Variants in CRACD observed in about 807,000 individuals in gnomAD.
The protein encoded by CRACD is capping protein-inhibiting regulator of actin dynamics.
A neutral mutation model predicts 106.8 loss-of-function variants in CRACD; 56 were observed. The observed-to-expected ratio is 0.52, with a 90% CI of 0.42 to 0.66. The LOEUF is 0.66. Among genes scored for constraint, CRACD ranks in the 30% least tolerant of loss-of-function variants. CRACD has a pLI of 0.00. For synonymous variants in CRACD, 754 were observed against 670.8 expected, an observed-to-expected ratio of 1.12 and a Z score of -1.92; for missense variants, 1,730 against 1,623.2, an observed-to-expected ratio of 1.07 and a Z score of -1.13.
intron 2 of CRACD, among the ~76,000 whole-genome samples, chr4:56,213,692 A>G (rs891734419): frequency 6.6e-6 from 1 of 152,172 alleles, no homozygotes; most frequent in Non-Finnish European, 1.5e-5. Context: ...TTATTTCTGG[A>G]TTGGTTACAG....
intron 1 of CRACD, among the ~76,000 whole-genome samples, chr4:56,118,599 T>C (rs543466549): frequency 6.6e-6 from 1 of 152,264 alleles, no homozygotes; most frequent in African/African-American, 2.4e-5. Flanking sequence ...ATGTTTAGAA[T>C]GTTTAAGTAG....
chr4:56,165,785 A>T (rs1048547600), intron 1 of CRACD, among the ~76,000 whole-genome samples: 2 of 152,236 alleles, frequency 1.3e-5, no homozygotes, highest in African/African-American at 4.8e-5. Context: ...AAATTAAAAA[A>T]TAATATTTTG....
chr4:56,181,220 T>G lies in CRACD; in HGVS notation c.-189+1790T>G, dbSNP rs181160670. 4.4e-3 allele frequency among the ~76,000 whole-genome samples: 666 copies of G among 152,152 alleles called. 18 individuals carry two copies. Among genetic ancestry groups the G allele is most frequent in the Admixed American group, 0.038 (587 of 15,278 alleles). ...TGGTTAGTGGGGTGGGAGTGCAAAT[T>G]GCAGAAGGGGCCTCATCGAGGAAAG... is the stretch of plus-strand genomic sequence containing the variant. On this transcript the variant is annotated intron_variant, in intron 2 of 10. Coordinates refer to ENST00000682029, the MANE Select transcript of CRACD (RefSeq NM_001393381.1).
intron 2 of CRACD, among the ~76,000 whole-genome samples, chr4:56,185,179 G>A (rs1737032770): frequency 6.6e-6 from 1 of 152,164 alleles, no homozygotes; most frequent in Non-Finnish European, 1.5e-5. Context: ...GGATGGTCTC[G>A]ATCTCCTGAC....
chr4:56,051,510 G>C (rs1731873747), intron 1 of CRACD, among the ~76,000 whole-genome samples: 2 of 152,130 alleles, frequency 1.3e-5, no homozygotes, highest in South Asian at 4.1e-4. Flanking sequence ...CCTGTGGGGA[G>C]GCAGGGCAGA....
intron 1 of CRACD, among the ~76,000 whole-genome samples, chr4:56,062,805 C>T (rs998693377): frequency 4.6e-5 from 7 of 152,138 alleles, no homozygotes; most frequent in African/African-American, 1.7e-4. Flanking sequence ...TTTATAGAAC[C>T]GAATGCCTTA....
At chr4:56,256,499 G>C (rs912455920) in intron 2 of CRACD, among the ~76,000 whole-genome samples, 4 of 152,200 alleles carry the variant, frequency 2.6e-5, no homozygotes, top group African/African-American at 4.8e-5. Flanking sequence ...GCCTAGTTAT[G>C]AATATTAATA....
Position 56,315,881 on chromosome 4 carries a change from A to G in CRACD, c.2379A>G (p.Lys793=), listed in dbSNP as rs1745599932. 6.2e-7 allele frequency: 1 copy of G among 1,614,058 alleles called. No individual in the cohort carries two copies. The change falls in exon 8 of 11, where the codon AAA becomes AAG. Residue 793 remains lysine (K), a synonymous_variant. Transcript: ENST00000682029. The surrounding 1 kb of genome is among the most constrained non-coding windows in gnomAD (Gnocchi z 4.1). The part of the protein sequence containing the change: ...ADTTEGCKFA[K]DLPSFLVPSL... ...CCACCGAGGGATGCAAATTTGCCAA[A>G]GACCTCCCGTCTTTCCTTGTCCCAA...
intron 2 of CRACD, among the ~76,000 whole-genome samples, chr4:56,220,957 G>C (rs1738998530): frequency 6.6e-6 from 1 of 152,112 alleles, no homozygotes; most frequent in Non-Finnish European, 1.5e-5. Flanking sequence ...AGAAGGTCCA[G>C]GTAGAGAGAG....
In CRACD at chr4:56,316,277, C is replaced by A. The variant is rs776614182; in HGVS notation, c.2775C>A (p.Ser925Arg). Residue 925 changes from serine (S) to arginine (R), a missense_variant, in exon 8 of 11, where the codon AGC becomes AGA. Transcript: ENST00000682029. Reference protein sequence around the residue: ...STRRDSAEPSSSRSVPVAHPG... With the variant: ...STRRDSAEPSRSRSVPVAHPG... ...GGAGGGACTCCGCTGAACCTTCCAGCAGCCGCTCTGTTCCTGTGGCCCACC... is the reference window on the plus strand; with the variant it reads ...GGAGGGACTCCGCTGAACCTTCCAGAAGCCGCTCTGTTCCTGTGGCCCACC... 1 of 1,614,020 alleles carries A rather than the reference C, an allele frequency of 6.2e-7. No homozygotes were observed. The highest frequency in any genetic ancestry group is 2.2e-5 in the East Asian group (1 of 44,878).
intron 2 of CRACD, among the ~76,000 whole-genome samples, chr4:56,265,531 T>A (rs894420398): frequency 3.9e-5 from 6 of 152,096 alleles, no homozygotes; most frequent in Admixed American, 6.6e-5. Flanking sequence ...GGAACCCTAG[T>A]CTCACTGGTT....
At chr4:56,066,610 C>G (rs6811730) in intron 1 of CRACD, among the ~76,000 whole-genome samples, 3,607 of 152,254 alleles carry the variant, frequency 0.024, 152 homozygotes, top group African/African-American at 0.082. Context: ...AGTCCTCATT[C>G]TGTCATATGG....
intron 1 of CRACD, among the ~76,000 whole-genome samples, chr4:56,122,526 A>G (rs1734525427): frequency 6.6e-6 from 1 of 152,038 alleles, no homozygotes; most frequent in South Asian, 2.1e-4. Flanking sequence ...TTTCTGCTTC[A>G]TGGTTTCATT....
At chr4:56,223,602 TATTGA>T (rs1428476792) in intron 2 of CRACD, among the ~76,000 whole-genome samples, 5 of 152,322 alleles carry the variant, frequency 3.3e-5, no homozygotes, top group Admixed American at 3.3e-4. Context: ...CAGCAACACT[TATTGA>T]ATGGTCTTTC....
intron 5 of CRACD, among the ~76,000 whole-genome samples, chr4:56,309,898 C>T (rs1044678982): frequency 2.0e-5 from 3 of 151,612 alleles, no homozygotes; most frequent in Non-Finnish European, 2.9e-5. Context: ...CCAGACGTGG[C>T]ACATGCCTCT....
chr4:56,172,020 C>CTTTTTTTTTTTTTTTTTT (rs35574683), intron 1 of CRACD, among the ~76,000 whole-genome samples: 6 of 106,370 alleles, frequency 5.6e-5, no homozygotes, highest in Non-Finnish European at 7.5e-5. Flanking sequence ...GAGGGTTTCT[C>CTTTTTTTTTTTTTTTTTT]TTTTTTTTTT....
chr4:56,124,426 T>C (rs1283151962), intron 1 of CRACD, among the ~76,000 whole-genome samples: 2 of 152,232 alleles, frequency 1.3e-5, no homozygotes, highest in Non-Finnish European at 2.9e-5. Flanking sequence ...ATTTTATCTG[T>C]AAATTCTCCA....
At chr4:56,137,669 T>C (rs1735051773) in intron 1 of CRACD, among the ~76,000 whole-genome samples, 1 of 152,222 alleles carries the variant, frequency 6.6e-6, no homozygotes, top group Non-Finnish European at 1.5e-5. Flanking sequence ...ATGAAAAATG[T>C]TGAAACAAGA....
At chr4:56,274,461 G>GA (rs35280104) in intron 3 of CRACD, among the ~76,000 whole-genome samples, 72,027 of 151,956 alleles carry the variant, frequency 0.47, 17,985 homozygotes, top group African/African-American at 0.64. Flanking sequence ...AGCCATGTTG[G>GA]ACTCTTACAG....
Sources: allele counts gnomAD v4.1 joint callset (sites outside exome capture counted in the v4.1 genomes callset), GRCh38; gene constraint gnomAD v4.1.1; non-coding constraint Gnocchi (gnomAD v3.1); transcripts MANE v1.5; gene names NCBI Gene and HGNC (gene_info 2026-07-23, HGNC 2026-07-21).